ORAI2: variants seen among roughly 807,000 people sequenced by gnomAD.
ORAI2 encodes protein orai-2.
A neutral mutation model predicts 16.2 loss-of-function variants in ORAI2; 10 were observed. The observed-to-expected ratio is 0.62, with a 90% CI of 0.38 to 1.04. The LOEUF (loss-of-function observed/expected upper bound fraction) is 1.04. Among genes scored for constraint, ORAI2 ranks in the 50% least tolerant of loss-of-function variants. The pLI is 0.01. For missense variants in ORAI2, 238 were observed against 355.5 expected (o/e 0.67, Z 2.66); for synonymous variants, 150 against 157.5 (o/e 0.95, Z 0.35).
intron 3 of ORAI2, among the ~76,000 whole-genome samples, chr7:102,443,861 C>G (rs1282040197): frequency 6.6e-6 from 1 of 152,082 alleles, no homozygotes. Context: ...CACCCACCAC[C>G]ACGCCCAGCT....
In ORAI2 at chr7:102,452,375, C is replaced by T; in HGVS notation, c.*5323C>T. 6.6e-6 allele frequency: 1 copy of T among 152,334 alleles called. No individual in the cohort carries two copies. Among genetic ancestry groups the T allele is most frequent in the Non-Finnish European group, 1.5e-5 (1 of 68,100 alleles). 9.4% of individuals were successfully genotyped at this position (152,334 alleles called of 1,614,324 possible). ...CCAACTCATGACCTCGTGATCTGCC[C>T]ACCTCGGCCTCCCAAAGTGCTGGGA... On this transcript the variant is annotated 3_prime_UTR_variant, in exon 4 of 4. Coordinates refer to ENST00000495936, the MANE Select transcript of ORAI2 (RefSeq NM_001126340.3).
At chr7:102,445,891 T>C (rs981200114) in intron 3 of ORAI2, among the ~76,000 whole-genome samples, 3 of 113,516 alleles carry the variant, frequency 2.6e-5, no homozygotes, top group Non-Finnish European at 5.7e-5. Flanking sequence ...CTCTCTTTCT[T>C]TCTCTCTTTC....
rs76606179 is a variant in ORAI2 at position 102,445,300 on chromosome 7, T to G, written c.226-1213T>G. ...AAAAGGTCAGTTTCCGTTTTTTGTT[T>G]TTTTTTTTTGTCAAGATGGGCTGTC... On this transcript the variant is annotated intron_variant, in intron 3 of 3. Coordinates refer to ENST00000495936, the MANE Select transcript of ORAI2 (RefSeq NM_001126340.3). Among the ~76,000 whole-genome samples the G allele has an allele frequency of 2.2e-3, 205 of 94,190 alleles. 1 individual carries two copies. The highest frequency in any genetic ancestry group is 0.013 in the African/African-American group (187 of 14,504). 61.8% of individuals were successfully genotyped at this position (94,190 alleles called of 152,430 possible).
rs567544247 is a variant in ORAI2 at position 102,452,590 on chromosome 7, C to G, written c.*5538C>G. 6.6e-6 allele frequency: 1 copy of G among 152,128 alleles called. No homozygotes were observed. Among genetic ancestry groups the G allele is most frequent in the Non-Finnish European group, 1.5e-5 (1 of 68,062 alleles). 9.4% of individuals were successfully genotyped at this position (152,128 alleles called of 1,614,324 possible). ...GTAGCTACACTTGGGAGACTACGGG[C>G]GCACACTACCATGCCCAGCTAATGT... On this transcript the variant is annotated 3_prime_UTR_variant, in exon 4 of 4. Transcript: ENST00000495936.
intron 3 of ORAI2, among the ~76,000 whole-genome samples, chr7:102,442,304 G>A (rs1234107501): frequency 2.0e-5 from 3 of 152,150 alleles, no homozygotes; most frequent in Non-Finnish European, 4.4e-5. Context: ...TATAATCCCA[G>A]CACTTTGGGA....
At chr7:102,441,610 C>A (rs922877759) in intron 3 of ORAI2, among the ~76,000 whole-genome samples, 1 of 133,236 alleles carries the variant, frequency 7.5e-6, no homozygotes, top group South Asian at 2.6e-4. Flanking sequence ...TTTTTTTTTT[C>A]TTTAATTATT....
chr7:102,446,538 A>T lies in ORAI2; in HGVS notation c.251A>T (p.Glu84Val). The change falls in exon 4 of 4, where the codon GAG (glutamate) becomes GTG (valine). Residue 84 changes from glutamate (E) to valine (V), a missense_variant. By Grantham distance (121) the Glu-to-Val change is moderately radical (BLOSUM62 -2). This residue lies in a region of ORAI2 where 176 missense variants were observed against 265.9 expected (regional missense o/e 0.66). Coordinates refer to ENST00000495936, the MANE Select transcript of ORAI2 (RefSeq NM_001126340.3). ...GTGGCCATGGTGGAGGTGCAGCTGG[A>T]GACGCAGTACCAGTACCCGCGGCCG... ...AMVAMVEVQL[E>V]TQYQYPRPLL... 6.2e-7 allele frequency: 1 copy of T among 1,610,544 alleles called. No homozygotes were observed. The highest frequency in any genetic ancestry group is 8.5e-7 in the Non-Finnish European group (1 of 1,178,708).
chr7:102,443,080 G>T (rs1324931131), intron 3 of ORAI2, among the ~76,000 whole-genome samples: 1 of 145,312 alleles, frequency 6.9e-6, no homozygotes, highest in Admixed American at 7.0e-5. Context: ...GTGAAAAATT[G>T]CCTTCTCTTT....
At chr7:102,442,232 A>G (rs567765696) in intron 3 of ORAI2, among the ~76,000 whole-genome samples, 1 of 151,476 alleles carries the variant, frequency 6.6e-6, no homozygotes, top group Admixed American at 6.6e-5. Flanking sequence ...CCTGGCCAAC[A>G]TGGGGAAACC....
rs2133246587 is a variant in ORAI2 at position 102,455,579 on chromosome 7, C to T, written c.*8527C>T. 1 of 152,422 alleles carries T rather than the reference C, an allele frequency of 6.6e-6. No homozygotes were observed. Among genetic ancestry groups the T allele is most frequent in the East Asian group, 1.9e-4 (1 of 5,186 alleles). The allele number at this position is 152,422 out of a possible 1,614,324, so 9.4% of individuals were successfully genotyped here. ...TTGGAGCATCCTGCAGGGGCCAGCC[C>T]AGCCTGTCAGGGGCAGAGACCCTGC... On this transcript the variant is annotated 3_prime_UTR_variant, in exon 4 of 4. Coordinates refer to ENST00000495936, the MANE Select transcript of ORAI2 (RefSeq NM_001126340.3).
At position 102,447,001 on chromosome 7, in the gene ORAI2, C is replaced by A; in HGVS notation, c.714C>A (p.His238Gln). The A allele has an allele frequency of 6.3e-7, 1 of 1,582,536 alleles. No individual in the cohort carries two copies. Among genetic ancestry groups the A allele is most frequent in the Non-Finnish European group, 8.6e-7 (1 of 1,167,218 alleles). Residue 238 changes from histidine to glutamine, a missense_variant, in exon 4 of 4, where the codon CAC becomes CAA. By Grantham distance (24) the His-to-Gln change is conservative. This residue lies in a region of ORAI2 where 176 missense variants were observed against 265.9 expected (regional missense o/e 0.66). Transcript: ENST00000495936. ...ERHNREIEELHKLKVQLDGHE... is the reference protein window; with the variant it reads ...ERHNREIEELQKLKVQLDGHE... ...ACAACCGCGAGATCGAGGAGCTCCA[C>A]AAGCTCAAGGTCCAGCTGGACGGGC... is the stretch of plus-strand genomic sequence containing the variant.
Position 102,451,037 on chromosome 7 carries a change from C to G in ORAI2, c.*3985C>G, listed in dbSNP as rs1478034879. 1 of 151,984 alleles carries G rather than the reference C, an allele frequency of 6.6e-6. No homozygotes were observed. Among genetic ancestry groups the G allele is most frequent in the East Asian group, 1.9e-4 (1 of 5,192 alleles). The allele number at this position is 151,984 out of a possible 1,614,324, so 9.4% of individuals were successfully genotyped here. The stretch of plus-strand genomic sequence containing the variant: ...CCCACATGGTGAAACCCTGTCTCTA[C>G]TAAAAATACAAAAATTAGCCGGGCG... On this transcript the variant is annotated 3_prime_UTR_variant, in exon 4 of 4. Transcript: ENST00000495936.
intron 3 of ORAI2, among the ~76,000 whole-genome samples, chr7:102,442,426 C>A (rs1285351276): frequency 1.3e-5 from 2 of 152,068 alleles, no homozygotes; most frequent in Admixed American, 1.3e-4. Context: ...CAGTGGCTCA[C>A]ACCTGTAATC....
intron 3 of ORAI2, 83 bp downstream of exon 3, chr7:102,439,264 C>A: frequency 2.6e-6 from 3 of 1,168,454 alleles, no homozygotes; most frequent in Non-Finnish European, 2.5e-6. Flanking sequence ...GGGACCAGAG[C>A]CTTCCCTCCA....
Position 102,438,945 on chromosome 7 carries a change from C to G in ORAI2, c.-12C>G. 1 of 1,613,760 alleles carries G rather than the reference C, an allele frequency of 6.2e-7. No individual in the cohort carries two copies. The highest frequency in any genetic ancestry group is 8.5e-7 in the Non-Finnish European group (1 of 1,179,904). ...AGCATGTCTCTCTCCCACCCTTAGC[C>G]TGGCTCCCACCATGAGTGCTGAGCT... On this transcript the variant is annotated splice_region_variant and 5_prime_UTR_variant, in exon 3 of 4. Transcript: ENST00000495936.
chr7:102,444,948 T>C (rs1225761187), intron 3 of ORAI2, among the ~76,000 whole-genome samples: 4 of 152,102 alleles, frequency 2.6e-5, no homozygotes, highest in Admixed American at 2.0e-4. Context: ...ATTATAGGTG[T>C]GAGCCACCGC....
chr7:102,444,788 C>T (rs1421835927), intron 3 of ORAI2, among the ~76,000 whole-genome samples: 1 of 150,850 alleles, frequency 6.6e-6, no homozygotes, highest in Non-Finnish European at 1.5e-5. Flanking sequence ...GCCTCCGCTT[C>T]CTGAGTAGCT....
intron 2 of ORAI2, among the ~76,000 whole-genome samples, chr7:102,438,221 G>A (rs1033259001): frequency 1.7e-4 from 25 of 150,110 alleles, no homozygotes; most frequent in African/African-American, 5.9e-4. Context: ...GGTGGCGGGC[G>A]TCTGTAGTCC....
rs1797092316 is a variant in ORAI2 at position 102,437,534 on chromosome 7, C to G, written c.-14+1201C>G. On this transcript the variant is annotated intron_variant, in intron 2 of 3. Coordinates refer to ENST00000495936, the MANE Select transcript of ORAI2 (RefSeq NM_001126340.3). Reference sequence around the variant, plus strand: ...GGAGGCTGAGGCAGGAGAACGGCTTCAACCCAGGAGGCGGAGGTTGCAGTG... The same window carrying G: ...GGAGGCTGAGGCAGGAGAACGGCTTGAACCCAGGAGGCGGAGGTTGCAGTG... Among the ~76,000 whole-genome samples the G allele has an allele frequency of 3.3e-5, 5 of 152,168 alleles. No individual in the cohort carries two copies. In the Middle Eastern group the frequency reaches 0.014, roughly 417 times the overall value.
Sources: gnomAD v4.1 joint callset for allele counts (sites outside exome capture counted in the v4.1 genomes callset) on GRCh38, gnomAD v4.1.1 for gene constraint, gnomAD v4.1.1 regional missense constraint, MANE v1.5 for transcripts, NCBI Gene and HGNC (gene_info 2026-07-23, HGNC 2026-07-21) for gene names.